SRGAP1: variants seen among roughly 807,000 people sequenced by gnomAD.
SRGAP1 encodes SLIT-ROBO Rho GTPase-activating protein 1.
SRGAP1 carries 43 observed loss-of-function variants against 121.9 expected under a neutral mutation model. The ratio of observed to expected loss-of-function variants is 0.35; its 90% confidence interval spans 0.28 to 0.46. SRGAP1 has a LOEUF of 0.46. Among genes scored for constraint, SRGAP1 ranks in the 20% least tolerant of loss-of-function variants. The pLI, the probability that SRGAP1 is intolerant of heterozygous loss-of-function variation, is 1.00. For missense variants in SRGAP1, 1,102 were observed against 1,350.9 expected, an observed-to-expected ratio of 0.82 and a Z score of 2.89; for synonymous variants, 447 against 485.4, an observed-to-expected ratio of 0.92 and a Z score of 1.04.
At chr12:63,887,779 T>C (rs534028206) in intron 1 of SRGAP1, 1 of 152,386 alleles carries the variant, frequency 6.6e-6, no homozygotes, top group South Asian at 2.1e-4. Flanking sequence ...TTCCACCCTT[T>C]CTTCAAGGTC....
At chr12:63,986,114 C>CT (rs1239676351) in intron 2 of SRGAP1, among the ~76,000 whole-genome samples, 1 of 151,892 alleles carries the variant, frequency 6.6e-6, no homozygotes, top group Non-Finnish European at 1.5e-5. Flanking sequence ...TCTCTCTTCT[C>CT]TTTTTTCTTC....
chr12:64,153,963 A>G lies in SRGAP1; in HGVS notation c.*11291A>G, dbSNP rs1426970259. 1 of 152,236 alleles carries G rather than the reference A, an allele frequency of 6.6e-6. No individual in the cohort carries two copies. Among genetic ancestry groups the G allele is most frequent in the African/African-American group, 2.4e-5 (1 of 41,474 alleles). 9.4% of individuals were successfully genotyped at this position (152,236 alleles called of 1,614,324 possible). ...TAAAATAGAATATTATGCAGCCTTA[A>G]AAAAGAAGGAATTCCTGTCATATGC... On this transcript the variant is annotated 3_prime_UTR_variant, in exon 22 of 22. Coordinates refer to ENST00000355086, the MANE Select transcript of SRGAP1 (RefSeq NM_020762.4).
intron 2 of SRGAP1, 88 bp from the exon 3 acceptor site, chr12:63,989,822 T>C: frequency 1.1e-6 from 1 of 944,738 alleles, no homozygotes; most frequent in East Asian, 2.4e-5. Flanking sequence ...CCATCTGTTG[T>C]GGTTCTTTAG....
At chr12:63,871,374 A>C (rs897777766) in intron 1 of SRGAP1, among the ~76,000 whole-genome samples, 7 of 152,216 alleles carry the variant, frequency 4.6e-5, no homozygotes, top group African/African-American at 1.7e-4. Context: ...ATTGAAATCT[A>C]AAGTGGGAGC....
At chr12:64,025,964 G>A (rs17710730) in intron 4 of SRGAP1, among the ~76,000 whole-genome samples, 61,847 of 151,922 alleles carry the variant, frequency 0.41, 13,088 homozygotes, top group Non-Finnish European at 0.48. Context: ...ATCTTTGAGG[G>A]CATTCTGCTG....
intron 3 of SRGAP1, among the ~76,000 whole-genome samples, chr12:63,992,289 AT>A (rs1369413526): frequency 6.6e-6 from 1 of 152,220 alleles, no homozygotes; most frequent in African/African-American, 2.4e-5. Context: ...AGTCAAACAG[AT>A]TTGGATTTAA....
At chr12:63,932,001 G>A (rs2031492591) in intron 1 of SRGAP1, among the ~76,000 whole-genome samples, 1 of 152,172 alleles carries the variant, frequency 6.6e-6, no homozygotes, top group Non-Finnish European at 1.5e-5. Context: ...CAAAGAGTTT[G>A]GATAGATTAT....
chr12:64,005,603 A>C (rs1195118529), intron 3 of SRGAP1, among the ~76,000 whole-genome samples: 1 of 152,158 alleles, frequency 6.6e-6, no homozygotes, highest in Non-Finnish European at 1.5e-5. Flanking sequence ...CTATGATTGC[A>C]CCACTGCACT....
chr12:63,957,835 A>G (rs907420284), intron 1 of SRGAP1, among the ~76,000 whole-genome samples: 1 of 151,974 alleles, frequency 6.6e-6, no homozygotes, highest in Non-Finnish European at 1.5e-5. Context: ...TTTGTGCATG[A>G]TTTAATCTCA....
At chr12:64,089,490 A>G (rs2036008500) in intron 11 of SRGAP1, among the ~76,000 whole-genome samples, 1 of 152,318 alleles carries the variant, frequency 6.6e-6, no homozygotes, top group South Asian at 2.1e-4. Context: ...GCCTCCCCGT[A>G]CCTGAATAAA....
chr12:63,850,039 C>A (rs1028636972), intron 1 of SRGAP1, among the ~76,000 whole-genome samples: 1 of 152,024 alleles, frequency 6.6e-6, no homozygotes, highest in Non-Finnish European at 1.5e-5. Flanking sequence ...GTTTTTTTCA[C>A]CAGGACCATT....
chr12:64,136,201 C>T (rs1208920080), intron 21 of SRGAP1, among the ~76,000 whole-genome samples: 1 of 152,150 alleles, frequency 6.6e-6, no homozygotes, highest in East Asian at 1.9e-4. Context: ...ATCAAGTTGA[C>T]ACTCAGTATT....
rs1216731544 is a variant in SRGAP1 at position 64,144,884 on chromosome 12, G to A, written c.*2212G>A. ...TTTTGAGTTGGAGTCTTGCTCTGTCGCCCAGGCCAGAGTACAGTGGTGCAA... is the reference window on the plus strand; with the variant it reads ...TTTTGAGTTGGAGTCTTGCTCTGTCACCCAGGCCAGAGTACAGTGGTGCAA... On this transcript the variant is annotated 3_prime_UTR_variant, in exon 22 of 22. Transcript: ENST00000355086. The A allele has an allele frequency of 4.5e-5, 5 of 112,282 alleles. No homozygotes were observed. Among genetic ancestry groups the A allele is most frequent in the South Asian group, 2.9e-4 (1 of 3,412 alleles). 7.0% of individuals were successfully genotyped at this position (112,282 alleles called of 1,614,324 possible).
At position 64,158,490 on chromosome 12, in the gene SRGAP1, T is replaced by C. The variant is rs573505821; in HGVS notation, c.*15818T>C. ...TGACATAGAATTAAATTAAAATCAG[T>C]ATTGATTGGATTATGCTTTGATAAA... On this transcript the variant is annotated 3_prime_UTR_variant, in exon 22 of 22. Transcript: ENST00000355086. 1 of 152,310 alleles carries C rather than the reference T, an allele frequency of 6.6e-6. No individual in the cohort carries two copies. Among genetic ancestry groups the C allele is most frequent in the South Asian group, 2.1e-4 (1 of 4,830 alleles). 9.4% of individuals were successfully genotyped at this position (152,310 alleles called of 1,614,324 possible). A position where few individuals can be genotyped will look rare whatever the true frequency, so the allele number is the denominator to read the frequency against.
In SRGAP1 at chr12:64,151,237, G is replaced by A. The variant is rs1457814144; in HGVS notation, c.*8565G>A. The A allele has an allele frequency of 6.6e-6, 1 of 152,008 alleles. No individual in the cohort carries two copies. Among genetic ancestry groups the A allele is most frequent in the Non-Finnish European group, 1.5e-5 (1 of 68,006 alleles). 9.4% of individuals were successfully genotyped at this position (152,008 alleles called of 1,614,324 possible). A position where few individuals can be genotyped will look rare whatever the true frequency, so the allele number is the denominator to read the frequency against. Reference sequence around the variant, plus strand: ...CCTTACATTATGTTATTTTTAAGCAGAGTCAAACTCATATTCTGTATATAA... The same window carrying A: ...CCTTACATTATGTTATTTTTAAGCAAAGTCAAACTCATATTCTGTATATAA... On this transcript the variant is annotated 3_prime_UTR_variant, in exon 22 of 22. Coordinates refer to ENST00000355086, the MANE Select transcript of SRGAP1 (RefSeq NM_020762.4).
intron 4 of SRGAP1, among the ~76,000 whole-genome samples, chr12:64,028,499 T>A (rs1361193260): frequency 6.6e-6 from 1 of 152,248 alleles, no homozygotes; most frequent in Non-Finnish European, 1.5e-5. Context: ...ATTTTCTTAG[T>A]TTGTTCTGGC....
intron 6 of SRGAP1, among the ~76,000 whole-genome samples, chr12:64,058,373 A>G (rs789719): frequency 0.98 from 149,542 of 152,292 alleles, 73,493 homozygotes; most frequent in Middle Eastern, 1. Context: ...CCCATTGTAA[A>G]TTGAGGAGCG....
intron 4 of SRGAP1, among the ~76,000 whole-genome samples, chr12:64,020,858 A>AAAAAG (rs1159260222): frequency 6.6e-6 from 1 of 151,532 alleles, no homozygotes. Flanking sequence ...AAAAAAAAAA[A>AAAAAG]AAAAGAAAAG....
At chr12:64,109,588 C>T (rs1343368750) in intron 16 of SRGAP1, among the ~76,000 whole-genome samples, 1 of 152,108 alleles carries the variant, frequency 6.6e-6, no homozygotes, top group African/African-American at 2.4e-5. Flanking sequence ...GAACTTTATT[C>T]TTTTAATTTC....
Sources: allele counts gnomAD v4.1 joint callset (sites outside exome capture counted in the v4.1 genomes callset), GRCh38; gene constraint gnomAD v4.1.1; transcripts MANE v1.5; gene names NCBI Gene and HGNC (gene_info 2026-07-23, HGNC 2026-07-21).